The following ASCC3 variants were observed in gnomAD, a reference collection of about 807,000 sequenced individuals.
The protein encoded by ASCC3 is activating signal cointegrator 1 complex subunit 3, also known as ASC-1 complex subunit P200.
ASCC3 carries 158 observed loss-of-function variants against 256.3 expected under a neutral mutation model. That is an observed-to-expected ratio of 0.62 (90% CI 0.54 to 0.70). The LOEUF is 0.70. Among genes scored for constraint, ASCC3 ranks in the 30% least tolerant of loss-of-function variants. The pLI, the probability that ASCC3 is intolerant of heterozygous loss-of-function variation, is 0.00. For missense variants in ASCC3, 2,259 were observed against 2,626.0 expected, an observed-to-expected ratio of 0.86 and a Z score of 3.05; for synonymous variants, 948 against 883.4, an observed-to-expected ratio of 1.07 and a Z score of -1.30.
intron 36 of ASCC3, among the ~76,000 whole-genome samples, chr6:100,540,955 A>C (rs1049964908): frequency 2.0e-5 from 3 of 152,180 alleles, no homozygotes; most frequent in African/African-American, 7.2e-5. Flanking sequence ...AACCAATTAG[A>C]TCATACAGAG....
intron 34 of ASCC3, among the ~76,000 whole-genome samples, chr6:100,594,499 AAC>A (rs1772177655): frequency 6.6e-6 from 1 of 152,146 alleles, no homozygotes; most frequent in African/African-American, 2.4e-5. Context: ...AAGTGATTTT[AAC>A]ACAGACAATA....
intron 36 of ASCC3, among the ~76,000 whole-genome samples, chr6:100,548,670 G>T (rs926440060): frequency 1.3e-4 from 20 of 151,908 alleles, no homozygotes; most frequent in African/African-American, 4.3e-4. Flanking sequence ...GTTTTGTAAA[G>T]AAATTTGACC....
intron 36 of ASCC3, among the ~76,000 whole-genome samples, chr6:100,559,070 T>C (rs1460045084): frequency 1.3e-5 from 2 of 152,160 alleles, no homozygotes; most frequent in African/African-American, 2.4e-5. Flanking sequence ...AAGGTGTGAA[T>C]AGAACCACAG....
At chr6:100,873,475 T>C (rs1032034536) in intron 1 of ASCC3, among the ~76,000 whole-genome samples, 2 of 152,044 alleles carry the variant, frequency 1.3e-5, no homozygotes, top group Admixed American at 1.3e-4. Context: ...CTAAGAAAAC[T>C]CTCCCAGCCT....
At chr6:100,789,655 A>C (rs566278095) in intron 8 of ASCC3, among the ~76,000 whole-genome samples, 1 of 152,062 alleles carries the variant, frequency 6.6e-6, no homozygotes, top group South Asian at 2.1e-4. Context: ...TCTGTTAAAA[A>C]CGTATAAGTT....
chr6:100,851,560 T>C (rs1318605938), intron 3 of ASCC3, among the ~76,000 whole-genome samples: 2 of 152,204 alleles, frequency 1.3e-5, no homozygotes, highest in African/African-American at 4.8e-5. Context: ...TTTTGGAGTG[T>C]CAAATTTTTA....
chr6:100,833,666 A>T (rs1373461255), intron 4 of ASCC3, among the ~76,000 whole-genome samples: 1 of 152,218 alleles, frequency 6.6e-6, no homozygotes, highest in Non-Finnish European at 1.5e-5. Context: ...CAAGAAAAAA[A>T]TAATTGTAAA....
intron 13 of ASCC3, among the ~76,000 whole-genome samples, chr6:100,692,204 G>A (rs1777877723): frequency 6.6e-6 from 1 of 151,914 alleles, no homozygotes; most frequent in African/African-American, 2.4e-5. Context: ...CATATCTCTG[G>A]TATGACTTTC....
At chr6:100,708,873 T>C (rs1041360267) in intron 13 of ASCC3, among the ~76,000 whole-genome samples, 2 of 152,124 alleles carry the variant, frequency 1.3e-5, no homozygotes, top group African/African-American at 4.8e-5. Flanking sequence ...TGAAAATAAG[T>C]GTACATCCAA....
At chr6:100,542,370 G>A (rs1277724523) in intron 36 of ASCC3, among the ~76,000 whole-genome samples, 5 of 152,124 alleles carry the variant, frequency 3.3e-5, no homozygotes, top group Non-Finnish European at 7.4e-5. Context: ...GAAGCAACAT[G>A]TTTAATTTAC....
At chr6:100,719,392 T>C (rs182635080) in intron 11 of ASCC3, among the ~76,000 whole-genome samples, 2 of 152,202 alleles carry the variant, frequency 1.3e-5, no homozygotes, top group East Asian at 3.9e-4. Flanking sequence ...TATCCCACAG[T>C]TCTATGTAGT....
intron 4 of ASCC3, among the ~76,000 whole-genome samples, chr6:100,821,796 C>A (rs1268124748): frequency 6.6e-6 from 1 of 151,650 alleles, no homozygotes; most frequent in African/African-American, 2.4e-5. Flanking sequence ...TGTACCCCAG[C>A]CTGGATGACA....
chr6:100,714,874 CA>C (rs1256401938), intron 13 of ASCC3, among the ~76,000 whole-genome samples: 1 of 151,692 alleles, frequency 6.6e-6, no homozygotes, highest in African/African-American at 2.4e-5. Flanking sequence ...GAGTTGCAAA[CA>C]AGATTTAGTC....
At chr6:100,699,899 C>G (rs1462598896) in intron 13 of ASCC3, among the ~76,000 whole-genome samples, 1 of 152,026 alleles carries the variant, frequency 6.6e-6, no homozygotes, top group African/African-American at 2.4e-5. Context: ...GCAAAACATT[C>G]GAGAAGTAAC....
intron 10 of ASCC3, among the ~76,000 whole-genome samples, chr6:100,764,108 A>G (rs1482951376): frequency 6.6e-6 from 1 of 152,246 alleles, no homozygotes; most frequent in African/African-American, 2.4e-5. Context: ...TTGTCTTTCC[A>G]CAAACATTCT....
intron 3 of ASCC3, among the ~76,000 whole-genome samples, chr6:100,863,199 CA>C (rs144402532): frequency 7.8e-4 from 119 of 152,308 alleles, no homozygotes; most frequent in African/African-American, 2.7e-3. Flanking sequence ...TGTACAAACA[CA>C]GGGGTTTTAC....
At chr6:100,588,597 C>G (rs1426568277) in intron 36 of ASCC3, among the ~76,000 whole-genome samples, 3 of 152,070 alleles carry the variant, frequency 2.0e-5, no homozygotes, top group African/African-American at 2.4e-5. Flanking sequence ...TTCTACAGAG[C>G]AAAGAATAGA....
At position 100,613,522 on chromosome 6, in the gene ASCC3, T is replaced by C. The variant is rs116080720; in HGVS notation, c.4786-6434A>G. On this transcript the variant is annotated intron_variant, in intron 30 of 41. Transcript: ENST00000369162. ...TGAATAGTATTCTATTTTGTATATA[T>C]ACATTTTCTTTATCCAATCATTTAT... is the stretch of plus-strand genomic sequence containing the variant. 3.5e-3 allele frequency among the ~76,000 whole-genome samples: 539 copies of C among 152,254 alleles called. 2 individuals carry two copies. The highest frequency in any genetic ancestry group is 0.012 in the African/African-American group (482 of 41,580).
chr6:100,607,047 C>G lies in ASCC3; in HGVS notation c.4827G>C (p.Lys1609Asn). 1 of 1,613,668 alleles carries G rather than the reference C, an allele frequency of 6.2e-7. No homozygotes were observed. Among genetic ancestry groups the G allele is most frequent in the Non-Finnish European group, 8.5e-7 (1 of 1,179,798 alleles). ...IIATVRDSNL[K>N]LTLAFGIGMH... Reference sequence around the variant, plus strand: ...TTCCTATCCCGAAAGCAAGGGTCAGCTTGAGGTTGGAATCTCTTACTGTTG... The same window carrying G: ...TTCCTATCCCGAAAGCAAGGGTCAGGTTGAGGTTGGAATCTCTTACTGTTG... Residue 1609 changes from lysine to asparagine, a missense_variant, in exon 31 of 42, where the codon AAG (lysine) becomes AAC (asparagine). Physicochemically the swap from Lys to Asn is moderately conservative, Grantham distance 94. Coordinates refer to ENST00000369162, the MANE Select transcript of ASCC3 (RefSeq NM_006828.4).
Sources: gnomAD v4.1 joint callset for allele counts (sites outside exome capture counted in the v4.1 genomes callset) on GRCh38, gnomAD v4.1.1 for gene constraint, MANE v1.5 for transcripts, NCBI Gene and HGNC (gene_info 2026-07-23, HGNC 2026-07-21) for gene names.